The following CTNNA3 variants were observed in gnomAD, a reference collection of about 807,000 sequenced individuals.
The protein encoded by CTNNA3 is catenin alpha-3.
CTNNA3 carries 76 observed loss-of-function variants against 95.7 expected under a neutral mutation model. That is an observed-to-expected ratio of 0.79 (90% CI 0.66 to 0.96). The LOEUF (loss-of-function observed/expected upper bound fraction) is 0.96, where lower values mean the gene tolerates loss of function less well. Among genes scored for constraint, CTNNA3 ranks in the 40% least tolerant of loss-of-function variants. The pLI is 0.00. For missense variants in CTNNA3, 1,191 were observed against 1,089.8 expected, an observed-to-expected ratio of 1.09 and a Z score of -1.31; for synonymous variants, 431 against 374.4, an observed-to-expected ratio of 1.15 and a Z score of -1.74.
intron 15 of CTNNA3, among the ~76,000 whole-genome samples, chr10:66,055,446 T>C (rs1252546520): frequency 6.6e-6 from 1 of 152,192 alleles, no homozygotes; most frequent in Non-Finnish European, 1.5e-5. Context: ...CTTTGGTTAA[T>C]TCCTGGGTAT....
intron 7 of CTNNA3, chr10:67,054,643 G>A (rs1025586151): frequency 2.6e-5 from 4 of 152,102 alleles, no homozygotes; most frequent in Non-Finnish European, 5.9e-5. Flanking sequence ...ATTTCCAATG[G>A]CGGGAGACAG....
intron 7 of CTNNA3, among the ~76,000 whole-genome samples, chr10:66,821,645 G>A (rs1842307954): frequency 1.3e-5 from 2 of 152,114 alleles, no homozygotes. Context: ...ATTCCTAAAT[G>A]TTTAGCATTA....
intron 5 of CTNNA3, among the ~76,000 whole-genome samples, chr10:67,441,172 A>G (rs74746766): frequency 0.017 from 2,650 of 152,186 alleles, 83 homozygotes; most frequent in African/African-American, 0.058. Context: ...TGAATAATGC[A>G]TCAGAATACC....
chr10:66,329,584 A>C (rs1389521235), intron 12 of CTNNA3, among the ~76,000 whole-genome samples: 1 of 151,992 alleles, frequency 6.6e-6, no homozygotes. Context: ...CAGGGAAAAA[A>C]AAAAAAACCT....
intron 7 of CTNNA3, among the ~76,000 whole-genome samples, chr10:67,148,072 A>G (rs1302303076): frequency 6.6e-6 from 1 of 152,222 alleles, no homozygotes; most frequent in East Asian, 1.9e-4. Flanking sequence ...AAAGGATTCA[A>G]CAACAACTAA....
chr10:67,066,195 C>CTT (rs71006118), intron 7 of CTNNA3, among the ~76,000 whole-genome samples: 8,028 of 122,994 alleles, frequency 0.065, 469 homozygotes, highest in South Asian at 0.19. Flanking sequence ...AAGTCACTGG[C>CTT]TTTTTTTTTT....
chr10:66,467,352 C>T lies in CTNNA3; in HGVS notation c.1531+53265G>A, dbSNP rs114584133. Among the ~76,000 whole-genome samples, 310 of 152,192 alleles carry T rather than the reference C, an allele frequency of 2.0e-3. 1 individual carries two copies. Among genetic ancestry groups the T allele is most frequent in the African/African-American group, 7.2e-3 (300 of 41,548 alleles). On this transcript the variant is annotated intron_variant, in intron 11 of 17. Transcript: ENST00000433211. ...ATAACAAATAATTCTTGACTGACCA[C>T]TCAACATCCTCTACTTGCTCCTTTC...
intron 7 of CTNNA3, among the ~76,000 whole-genome samples, chr10:66,810,861 A>C (rs1841847797): frequency 6.6e-6 from 1 of 152,116 alleles, no homozygotes; most frequent in South Asian, 2.1e-4. Flanking sequence ...CTTTCCAAGA[A>C]ATCTCTCTTG....
intron 13 of CTNNA3, among the ~76,000 whole-genome samples, chr10:66,192,367 C>A (rs1347305719): frequency 6.6e-6 from 1 of 152,080 alleles, no homozygotes; most frequent in Non-Finnish European, 1.5e-5. Flanking sequence ...GCACATTCAG[C>A]AAATATTTGA....
chr10:66,699,354 T>C (rs1371537460), intron 9 of CTNNA3, among the ~76,000 whole-genome samples: 1 of 152,178 alleles, frequency 6.6e-6, no homozygotes, highest in Non-Finnish European at 1.5e-5. Flanking sequence ...GGTTCCCTTT[T>C]CTTCACACTC....
chr10:66,419,401 A>T (rs1207683458), intron 11 of CTNNA3, among the ~76,000 whole-genome samples: 1 of 152,172 alleles, frequency 6.6e-6, no homozygotes, highest in Non-Finnish European at 1.5e-5. Flanking sequence ...GAACACATAC[A>T]AATGTAAAGA....
intron 13 of CTNNA3, among the ~76,000 whole-genome samples, chr10:66,115,290 G>T (rs564502171): frequency 5.3e-5 from 8 of 152,268 alleles, no homozygotes; most frequent in Non-Finnish European, 1.0e-4. Flanking sequence ...CATTAAAGGG[G>T]GTGGTGACAG....
At chr10:66,762,113 T>C (rs996978372) in intron 9 of CTNNA3, among the ~76,000 whole-genome samples, 3 of 152,196 alleles carry the variant, frequency 2.0e-5, no homozygotes, top group Non-Finnish European at 4.4e-5. Context: ...CTAGAACTAA[T>C]GAATATTTTT....
intron 1 of CTNNA3, among the ~76,000 whole-genome samples, chr10:67,722,038 G>C (rs971256187): frequency 1.3e-5 from 2 of 152,126 alleles, no homozygotes; most frequent in South Asian, 4.1e-4. Context: ...TGGTCTTGCC[G>C]GGAGCTGCAG....
At chr10:67,616,350 T>C (rs1843656427) in intron 2 of CTNNA3, among the ~76,000 whole-genome samples, 1 of 152,308 alleles carries the variant, frequency 6.6e-6, no homozygotes, top group Admixed American at 6.5e-5. Context: ...TCATTCTAAA[T>C]GCTCTAGGCA....
In CTNNA3 at chr10:65,988,689, C is replaced by T. The variant is rs778537244; in HGVS notation, c.2265+3G>A. The T allele has an allele frequency of 4.3e-6, 7 of 1,610,926 alleles. No individual in the cohort carries two copies. Among genetic ancestry groups the T allele is most frequent in the Admixed American group, 3.3e-5 (2 of 59,980 alleles). ...TTATGATGTCCACTTGTAAGTAACT[C>T]ACCTGATTAGCAATCTGCCGAGCAA... On this transcript the variant is annotated splice_donor_region_variant and intron_variant, in intron 16 of 17. Transcript: ENST00000433211.
chr10:67,051,336 GA>G (rs148545414), intron 7 of CTNNA3, among the ~76,000 whole-genome samples: 1,659 of 152,272 alleles, frequency 0.011, 34 homozygotes, highest in African/African-American at 0.038. Context: ...CTTATCTATG[GA>G]AAGGGAAGTT....
At chr10:66,998,158 A>G (rs10997476) in intron 7 of CTNNA3, among the ~76,000 whole-genome samples, 65,717 of 152,124 alleles carry the variant, frequency 0.43, 16,858 homozygotes, top group Non-Finnish European at 0.57. Context: ...CTAACACGGC[A>G]TTTTAGCACA....
chr10:66,877,990 G>A (rs531072531), intron 7 of CTNNA3, among the ~76,000 whole-genome samples: 1 of 152,106 alleles, frequency 6.6e-6, no homozygotes, highest in African/African-American at 2.4e-5. Context: ...GAAATGATTT[G>A]TTTCTATGGT....
Sources: gnomAD v4.1 joint callset for allele counts (sites outside exome capture counted in the v4.1 genomes callset) on GRCh38, gnomAD v4.1.1 for gene constraint, MANE v1.5 for transcripts, NCBI Gene and HGNC (gene_info 2026-07-23, HGNC 2026-07-21) for gene names.